PRMT8: variants seen among roughly 807,000 people sequenced by gnomAD.
The protein encoded by PRMT8 is protein arginine methyltransferase 8, also known as protein arginine N-methyltransferase 8.
A neutral mutation model predicts 47.1 loss-of-function variants in PRMT8; 7 were observed. That is an observed-to-expected ratio of 0.15 (90% CI 0.08 to 0.28). The LOEUF (loss-of-function observed/expected upper bound fraction) is 0.28. PRMT8 is among the 10% of genes least tolerant of loss of function. The pLI, the probability that PRMT8 is intolerant of heterozygous loss-of-function variation, is 1.00. For synonymous variants in PRMT8, 188 were observed against 186.5 expected, an observed-to-expected ratio of 1.01 and a Z score of -0.07; for missense variants, 237 against 505.4, an observed-to-expected ratio of 0.47 and a Z score of 5.09.
intron 6 of PRMT8, among the ~76,000 whole-genome samples, chr12:3,573,579 G>C (rs1264311566): frequency 6.6e-6 from 1 of 152,200 alleles, no homozygotes; most frequent in African/African-American, 2.4e-5. Flanking sequence ...AAAAGGACCA[G>C]TAGAGACAGG....
In PRMT8 at chr12:3,592,266, G is replaced by A. The variant is rs1290294414; in HGVS notation, c.1015G>A (p.Val339Ile). ...DAPYTHWKQTVFYLEDYLTVR... is the reference protein window; with the variant it reads ...DAPYTHWKQTIFYLEDYLTVR... ...TCCCTACACCCACTGGAAGCAGACC[G>A]TCTTCTACTTGGAAGATTACCTCAC... The change falls in exon 9 of 10, where the codon GTC (valine) becomes ATC (isoleucine). Residue 339 changes from valine to isoleucine, a missense_variant. Physicochemically the swap from Val to Ile is conservative, Grantham distance 29. Around this residue, in one of 5 missense-constraint regions of PRMT8, gnomAD observed 151 missense variants for 341.1 expected, o/e 0.44. Coordinates refer to ENST00000382622, the MANE Select transcript of PRMT8 (RefSeq NM_019854.5). 3.1e-6 allele frequency: 5 copies of A among 1,594,838 alleles called. No individual in the cohort carries two copies. The highest frequency in any genetic ancestry group is 2.3e-5 in the East Asian group (1 of 43,482).
chr12:3,497,140 AG>A (rs1444875531), intron 1 of PRMT8, among the ~76,000 whole-genome samples: 1 of 152,176 alleles, frequency 6.6e-6, no homozygotes, highest in African/African-American at 2.4e-5. Context: ...CTCTGCCAGC[AG>A]GGGGAAAATG....
rs1272122464 is a variant in PRMT8, at chr12:3,456,159, A to C, written c.48+74717A>C. Among the ~76,000 whole-genome samples the C allele has an allele frequency of 1.3e-5, 2 of 152,074 alleles. No homozygotes were observed. Among genetic ancestry groups the C allele is most frequent in the Non-Finnish European group, 2.9e-5 (2 of 68,008 alleles). On this transcript the variant is annotated intron_variant, in intron 1 of 9. Coordinates refer to the PRMT8 transcript ENST00000452611. The surrounding 1 kb of genome is among the most constrained non-coding windows in gnomAD (Gnocchi z 4.2). ...AAGAGTGCTTTTCTTCCTCACTTAAACCACATTTCCGATGACCACATCCAA... is the reference window on the plus strand; with the variant it reads ...AAGAGTGCTTTTCTTCCTCACTTAACCCACATTTCCGATGACCACATCCAA...
At chr12:3,545,797 C>T (rs1019697935) in intron 2 of PRMT8, among the ~76,000 whole-genome samples, 3 of 152,112 alleles carry the variant, frequency 2.0e-5, no homozygotes, top group African/African-American at 7.2e-5. Flanking sequence ...GGTAAGTGAT[C>T]ACACAAATGC....
Position 3,491,831 on chromosome 12 carries a change from C to CGTGTGT in PRMT8, c.75+131_75+132insGTGTGT. 5.4e-6 allele frequency: 4 copies of CGTGTGT among 738,920 alleles called. 1 individual carries two copies. In the East Asian group the frequency reaches 1.6e-4, roughly 30 times the overall value. The allele number at this position is 738,920 out of a possible 1,614,324, so 45.8% of individuals were successfully genotyped here. On this transcript the variant is annotated intron_variant, in intron 1 of 9. Coordinates refer to ENST00000382622, the MANE Select transcript of PRMT8 (RefSeq NM_019854.5). ...TCCCGCTCGCTTCTGCCGGCCTCCT[C>CGTGTGT]CTGTGTGTGTGTGTGTGTGTGTGTG...
At chr12:3,482,272 A>G (rs977266456) in intron 1 of PRMT8, among the ~76,000 whole-genome samples, 21 of 152,186 alleles carry the variant, frequency 1.4e-4, no homozygotes, top group African/African-American at 4.8e-4. Flanking sequence ...AGAAAAGACC[A>G]TCTTTGTAGG....
At chr12:3,458,880 C>G (rs940634981) in intron 1 of PRMT8, among the ~76,000 whole-genome samples, 2 of 152,186 alleles carry the variant, frequency 1.3e-5, no homozygotes, top group African/African-American at 4.8e-5. Context: ...CCCAAGCCCC[C>G]CACTTCTCAG....
intron 4 of PRMT8, among the ~76,000 whole-genome samples, chr12:3,567,233 C>T (rs1008698316): frequency 2.6e-5 from 4 of 152,248 alleles, no homozygotes; most frequent in East Asian, 1.9e-4. Flanking sequence ...TCAATACAAT[C>T]ACCCTCTAAA....
intron 1 of PRMT8, among the ~76,000 whole-genome samples, chr12:3,452,344 C>A (rs1170614000): frequency 6.6e-6 from 1 of 152,172 alleles, no homozygotes; most frequent in South Asian, 2.1e-4. Context: ...CATACACACA[C>A]ACACACCCCA....
In PRMT8 at chr12:3,381,875, T is replaced by G. The variant is rs1275540666; in HGVS notation, c.48+433T>G. ...CACGCCCACTTCCCTCCCACCTCCC[T>G]AAAAGAGGAGACTCCTTCTTTTATC... On this transcript the variant is annotated intron_variant, in intron 1 of 9. Transcript: ENST00000452611. 2.0e-5 allele frequency among the ~76,000 whole-genome samples: 3 copies of G among 152,302 alleles called. No individual in the cohort carries two copies. In the East Asian group the frequency reaches 5.8e-4, roughly 29 times the overall value.
Position 3,593,647 on chromosome 12 carries a change from A to G in PRMT8, c.*465A>G, listed in dbSNP as rs80222457. ...GCGTGCATGTGTGAATGTGAGCAGC[A>G]TAGTTGATATTTACCCACAAACACC... On this transcript the variant is annotated 3_prime_UTR_variant, in exon 10 of 10. Transcript: ENST00000382622. This position sits in a 1 kb window ranked among gnomAD's most constrained non-coding sequence, Gnocchi z 4.8. The G allele has an allele frequency of 9.2e-3, 1,764 of 191,656 alleles. 18 individuals carry two copies. The highest frequency in any genetic ancestry group is 0.014 in the Non-Finnish European group (1,279 of 94,568). The allele number at this position is 191,656 out of a possible 1,614,324, so 11.9% of individuals were successfully genotyped here. A position where few individuals can be genotyped will look rare whatever the true frequency, so the allele number is the denominator to read the frequency against.
intron 1 of PRMT8, among the ~76,000 whole-genome samples, chr12:3,428,250 T>TC (rs1431771784): frequency 1.9e-5 from 2 of 107,360 alleles, no homozygotes; most frequent in Non-Finnish European, 3.8e-5. Flanking sequence ...TCTTTCTTTC[T>TC]TTTTTTTTTT....
intron 1 of PRMT8, among the ~76,000 whole-genome samples, chr12:3,531,965 G>A (rs925212599): frequency 1.3e-5 from 2 of 152,084 alleles, no homozygotes; most frequent in African/African-American, 2.4e-5. Context: ...AGCTGTCCTC[G>A]GCACTGTCAG....
intron 1 of PRMT8, among the ~76,000 whole-genome samples, chr12:3,444,873 C>T (rs1013090907): frequency 2.6e-4 from 40 of 152,206 alleles, no homozygotes; most frequent in African/African-American, 9.7e-4. Flanking sequence ...GCAGCAAACC[C>T]CACCCGGGGC....
At chr12:3,568,902 T>C (rs1866788645) in intron 5 of PRMT8, 54 bp downstream of exon 5, 2 of 1,608,092 alleles carry the variant, frequency 1.2e-6, no homozygotes, top group East Asian at 4.5e-5. Context: ...CCTGCTCCTC[T>C]ACCCAAGGCC....
rs550676777 is a variant in PRMT8 at position 3,482,419 on chromosome 12, A to G, written c.49-58187A>G. On this transcript the variant is annotated intron_variant, in intron 1 of 9. Coordinates refer to the PRMT8 transcript ENST00000452611. The stretch of plus-strand genomic sequence containing the variant: ...AGCCCACATTTGCTCAGGATGCACT[A>G]ACTAAGTCCTGATGTCGTTGCATAG... Among the ~76,000 whole-genome samples, 3 of 152,252 alleles carry G rather than the reference A, an allele frequency of 2.0e-5. No homozygotes were observed. The South Asian group carries it at 6.2e-4, about 32-fold the overall frequency.
chr12:3,402,970 TATACCTGAAGGA>T (rs1221718734), intron 1 of PRMT8, among the ~76,000 whole-genome samples: 1 of 152,222 alleles, frequency 6.6e-6, no homozygotes, highest in African/African-American at 2.4e-5. Flanking sequence ...TTACTGGGTA[TATACCTGAAGGA>T]ATAGAAATCA....
chr12:3,592,365 G>A lies in PRMT8; in HGVS notation c.1101+13G>A. ...TGCCAAAAATGTGGTAAGTGCCGAG[G>A]GACATAAGGACATAAGGGAGAAGGG... On this transcript the variant is annotated intron_variant, in intron 9 of 9. Coordinates refer to ENST00000382622, the MANE Select transcript of PRMT8 (RefSeq NM_019854.5). 1 of 1,599,116 alleles carries A rather than the reference G, an allele frequency of 6.3e-7. No homozygotes were observed. Among genetic ancestry groups the A allele is most frequent in the Non-Finnish European group, 8.5e-7 (1 of 1,173,906 alleles).
intron 1 of PRMT8, among the ~76,000 whole-genome samples, chr12:3,390,897 T>C (rs1009279856): frequency 1.3e-5 from 2 of 152,204 alleles, no homozygotes; most frequent in African/African-American, 4.8e-5. Flanking sequence ...AGACGCATCA[T>C]TCATGTTTTG....
Sources: allele counts gnomAD v4.1 joint callset (sites outside exome capture counted in the v4.1 genomes callset), GRCh38; gene constraint gnomAD v4.1.1; regional missense constraint gnomAD v4.1.1; non-coding constraint Gnocchi (gnomAD v3.1); transcripts MANE v1.5; gene names NCBI Gene and HGNC (gene_info 2026-07-23, HGNC 2026-07-21).